EXO1: variants seen among roughly 807,000 people sequenced by gnomAD.
EXO1 encodes exonuclease 1.
EXO1 carries 69 observed loss-of-function variants against 84.5 expected under a neutral mutation model. The observed-to-expected ratio is 0.82, with a 90% CI of 0.67 to 1.00. The LOEUF (loss-of-function observed/expected upper bound fraction) is 1.00, where lower values mean the gene tolerates loss of function less well. Ranked by LOEUF, EXO1 falls within the 50% of genes least tolerant of loss-of-function variation. The pLI is 0.00. For synonymous variants in EXO1, 373 were observed against 366.1 expected, an observed-to-expected ratio of 1.02 and a Z score of -0.21; for missense variants, 1,045 against 1,000.7, an observed-to-expected ratio of 1.04 and a Z score of -0.60.
intron 13 of EXO1, among the ~76,000 whole-genome samples, chr1:241,880,277 G>T (rs1236360115): frequency 1.3e-5 from 2 of 152,088 alleles, no homozygotes; most frequent in South Asian, 4.1e-4. Flanking sequence ...GGGTACCACG[G>T]CAGTGGCTAT....
chr1:241,879,210 C>G lies in EXO1; in HGVS notation c.1976C>G (p.Ser659Cys). Residue 659 changes from serine to cysteine, a missense_variant, in exon 13 of 16, where the codon TCC becomes TGC. By Grantham distance (112) the Ser-to-Cys change is moderately radical. Transcript: ENST00000366548. ...GTGTCGCAGTTAAAGAGCGAGGAGT[C>G]CAGTGACGATGAGTCTCATCCCTTA... Reference protein sequence around the residue: ...SDVSQLKSEESSDDESHPLRE... With the variant: ...SDVSQLKSEECSDDESHPLRE... The G allele has an allele frequency of 6.2e-7, 1 of 1,602,068 alleles. No individual in the cohort carries two copies. Among genetic ancestry groups the G allele is most frequent in the Non-Finnish European group, 8.5e-7 (1 of 1,171,718 alleles).
chr1:241,854,240 C>T (rs1259886127), intron 6 of EXO1, among the ~76,000 whole-genome samples: 2 of 152,148 alleles, frequency 1.3e-5, no homozygotes, highest in Admixed American at 6.5e-5. Context: ...CGGGTTAAAG[C>T]GATTCTCCTG....
chr1:241,885,360 C>G lies in EXO1; in HGVS notation c.2258C>G (p.Thr753Ser), dbSNP rs1415171008. Residue 753 changes from threonine to serine, a missense_variant, in exon 15 of 16, where the codon ACC (threonine) becomes AGC (serine). Coordinates refer to ENST00000366548, the MANE Select transcript of EXO1 (RefSeq NM_130398.4). ...KSSSADSLST[T>S]KIKPLGPARA... ...AGTTCTGCAGACTCTCTTTCTACAA[C>G]CAAGATCAAACCTCTAGGACCTGCC... 6.2e-7 allele frequency: 1 copy of G among 1,613,894 alleles called. No homozygotes were observed. Among genetic ancestry groups the G allele is most frequent in the Non-Finnish European group, 8.5e-7 (1 of 1,179,912 alleles).
intron 12 of EXO1, among the ~76,000 whole-genome samples, chr1:241,873,024 C>T (rs530965221): frequency 6.6e-6 from 1 of 152,018 alleles, no homozygotes; most frequent in Non-Finnish European, 1.5e-5. Context: ...CTGTTGTTTC[C>T]TGACTTTTTA....
chr1:241,861,152 C>T (rs915055607), intron 9 of EXO1, among the ~76,000 whole-genome samples: 5 of 152,322 alleles, frequency 3.3e-5, no homozygotes, highest in Admixed American at 2.6e-4. Context: ...AGGACTTTCC[C>T]CTCTGTTTCC....
chr1:241,856,262 T>C (rs1189206484), intron 6 of EXO1, among the ~76,000 whole-genome samples: 1 of 113,518 alleles, frequency 8.8e-6, no homozygotes, highest in Admixed American at 8.7e-5. Context: ...TTTCTTTTTT[T>C]CTTTTTTTTT....
intron 10 of EXO1, among the ~76,000 whole-genome samples, chr1:241,863,558 A>G (rs1024815428): frequency 6.6e-6 from 1 of 152,206 alleles, no homozygotes; most frequent in Non-Finnish European, 1.5e-5. Flanking sequence ...GAGCCTGGAA[A>G]AGATGACCAC....
intron 10 of EXO1, among the ~76,000 whole-genome samples, chr1:241,865,947 C>G (rs2797601): frequency 0.51 from 77,918 of 151,836 alleles, 20,325 homozygotes; most frequent in East Asian, 0.71. Flanking sequence ...AAGTGAAAGG[C>G]TTTGATTAGA....
chr1:241,860,210 A>G (rs1661300565), intron 8 of EXO1, among the ~76,000 whole-genome samples: 1 of 152,162 alleles, frequency 6.6e-6, no homozygotes, highest in Admixed American at 6.5e-5. Context: ...TTCTTGATAA[A>G]AAGGACTTTG....
chr1:241,864,073 G>C lies in EXO1; in HGVS notation c.1041+2571G>C, dbSNP rs991052715. Among the ~76,000 whole-genome samples the C allele has an allele frequency of 4.0e-4, 61 of 151,982 alleles. 1 individual carries two copies. The highest frequency in any genetic ancestry group is 4.0e-3 in the Admixed American group (61 of 15,250). On this transcript the variant is annotated intron_variant, in intron 10 of 15. Transcript: ENST00000366548. ...CTGCTGTGTACCTTTTTCCTGTGTTGATATTTTCTCCCTCATGGTGGTAAC... is the reference window on the plus strand; with the variant it reads ...CTGCTGTGTACCTTTTTCCTGTGTTCATATTTTCTCCCTCATGGTGGTAAC...
Position 241,851,554 on chromosome 1 carries a change from C to T in EXO1, c.162-738C>T, listed in dbSNP as rs4149861. 7.8e-3 allele frequency among the ~76,000 whole-genome samples: 1,183 copies of T among 152,216 alleles called. 19 individuals carry two copies. The highest frequency in any genetic ancestry group is 0.027 in the African/African-American group (1,124 of 41,520). On this transcript the variant is annotated intron_variant, in intron 4 of 15. Transcript: ENST00000366548. ...TATAAAATGATAGAAGTTGTAAATG[C>T]AGTTGTTTTTGTCACAATACCTAAT...
rs1333745317 is a variant in EXO1 at position 241,850,412 on chromosome 1, G to C, written c.-14G>C. ...TCCCTGTCTCTTTTCATATCAGGTA[G>C]TTAATTTGGCACCATGGGGATACAG... On this transcript the variant is annotated 5_prime_UTR_variant, in exon 4 of 16. Transcript: ENST00000366548. 6.2e-7 allele frequency: 1 copy of C among 1,605,890 alleles called. No homozygotes were observed. The highest frequency in any genetic ancestry group is 8.5e-7 in the Non-Finnish European group (1 of 1,172,788).
chr1:241,862,235 G>T (rs1370655056), intron 10 of EXO1, among the ~76,000 whole-genome samples: 1 of 152,200 alleles, frequency 6.6e-6, no homozygotes, highest in Admixed American at 6.5e-5. Flanking sequence ...ACCACTCCTA[G>T]CCGCGATTTG....
At chr1:241,849,082 A>T (rs1254846060) in intron 2 of EXO1, 30 bp from the exon 3 acceptor site, 1 of 152,216 alleles carries the variant, frequency 6.6e-6, no homozygotes, top group Non-Finnish European at 1.5e-5. Flanking sequence ...ATCCAGATTA[A>T]CTGCTTTGTT....
chr1:241,855,719 T>C (rs1232611831), intron 6 of EXO1, among the ~76,000 whole-genome samples: 1 of 152,190 alleles, frequency 6.6e-6, no homozygotes, highest in East Asian at 1.9e-4. Flanking sequence ...TCCCGAGTCC[T>C]GCCCCGCAGG....
chr1:241,872,216 A>G lies in EXO1; in HGVS notation c.1452A>G (p.Ala484=). ...CACCTAGGACGAGAAATAAATTTGC[A>G]ACATTTTTACAAAGGAAAAATGAAG... The part of the protein sequence containing the change: ...STPPRTRNKF[A]TFLQRKNEES... Residue 484 remains alanine, a synonymous_variant, in exon 12 of 16, where the codon GCA becomes GCG. Coordinates refer to ENST00000366548, the MANE Select transcript of EXO1 (RefSeq NM_130398.4). 6.2e-7 allele frequency: 1 copy of G among 1,614,052 alleles called. No individual in the cohort carries two copies. The highest frequency in any genetic ancestry group is 8.5e-7 in the Non-Finnish European group (1 of 1,179,950).
intron 10 of EXO1, among the ~76,000 whole-genome samples, chr1:241,866,518 A>G (rs1305680420): frequency 8.6e-6 from 1 of 116,446 alleles, no homozygotes; most frequent in African/African-American, 3.2e-5. Context: ...TTATTTATTT[A>G]TTTACTTTTA....
chr1:241,879,916 G>T (rs1662653458), intron 13 of EXO1, among the ~76,000 whole-genome samples: 1 of 151,054 alleles, frequency 6.6e-6, no homozygotes, highest in Non-Finnish European at 1.5e-5. Flanking sequence ...CTGAGGCAGG[G>T]TAATTATTTG....
At chr1:241,869,707 TAC>T (rs1027911311) in intron 11 of EXO1, among the ~76,000 whole-genome samples, 2 of 152,052 alleles carry the variant, frequency 1.3e-5, no homozygotes, top group African/African-American at 4.8e-5. Context: ...ATATAAGAAG[TAC>T]AGTGTACATT....
Sources: allele counts gnomAD v4.1 joint callset (sites outside exome capture counted in the v4.1 genomes callset), GRCh38; gene constraint gnomAD v4.1.1; transcripts MANE v1.5; gene names NCBI Gene and HGNC (gene_info 2026-07-23, HGNC 2026-07-21).